The following GOLGA8O variants were observed in gnomAD, a reference collection of about 807,000 sequenced individuals.
GOLGA8O encodes the protein golgin subfamily A member 8O.
A neutral mutation model predicts 29.7 loss-of-function variants in GOLGA8O; 4 were observed. The observed-to-expected ratio is 0.13, with a 90% confidence interval of 0.07 to 0.31. The LOEUF (loss-of-function observed/expected upper bound fraction) is 0.31, where lower values mean the gene tolerates loss of function less well. Among genes scored for constraint, GOLGA8O ranks in the 10% least tolerant of loss-of-function variants. The pLI is 1.00. For missense variants in GOLGA8O, 32 were observed against 216.5 expected, an observed-to-expected ratio of 0.15 and a Z score of 5.35; for synonymous variants, 6 against 78.0, an observed-to-expected ratio of 0.08 and a Z score of 4.87.
At chr15:32,451,069 A>C (rs1434859925) in intron 7 of GOLGA8O, 47 bp from the exon 8 acceptor site, 1 of 1,185,842 alleles carries the variant, frequency 8.4e-7, no homozygotes, top group African/African-American at 2.4e-5. Context: ...CCTCCTGAAG[A>C]CCTGTCAAAG....
At chr15:32,451,489 G>A (rs1365167044) in intron 5 of GOLGA8O, 112 bp downstream of exon 5, 40 of 1,573,274 alleles carry the variant, frequency 2.5e-5, no homozygotes, top group East Asian at 2.2e-4. Flanking sequence ...TGGAATCTGA[G>A]GGGTGAGCCT....
chr15:32,449,884 CA>C (rs1427469625), intron 8 of GOLGA8O, 26 bp from the exon 9 acceptor site: 1 of 183,016 alleles, frequency 5.5e-6, no homozygotes, highest in Non-Finnish European at 9.3e-6. Flanking sequence ...TGAGAAGTTT[CA>C]ATCTGGAGAG....
the GOLGA8O span, among the ~76,000 whole-genome samples, chr15:32,460,690 C>T: frequency 3.7e-4 from 36 of 97,660 alleles, 1 homozygote; most frequent in South Asian, 2.1e-3. Context: ...AATACACACG[C>T]GCACACACAC....
chr15:32,459,504 G>C (rs1299742098), upstream of GOLGA8O, among the ~76,000 whole-genome samples: 66 of 98,566 alleles, frequency 6.7e-4, no homozygotes, highest in South Asian at 0.025. Context: ...ATATGAATAA[G>C]AAATAATCAG....
upstream of GOLGA8O, among the ~76,000 whole-genome samples, chr15:32,456,780 CA>C (rs775848062): frequency 0.033 from 184 of 5,634 alleles, no homozygotes; most frequent in Non-Finnish European, 0.049. Context: ...GCAAAACAAA[CA>C]AAAAGGGGGA....
chr15:32,459,059 G>A (rs372453601), upstream of GOLGA8O, among the ~76,000 whole-genome samples: 1 of 80,664 alleles, frequency 1.2e-5, no homozygotes, highest in Admixed American at 1.1e-4. Context: ...TTGGGAGGCC[G>A]AGGTGGGTGG....
chr15:32,459,070 A>C (rs1213807393), upstream of GOLGA8O, among the ~76,000 whole-genome samples: 11 of 80,906 alleles, frequency 1.4e-4, no homozygotes, highest in Admixed American at 1.2e-3. Context: ...AGGTGGGTGG[A>C]TCACCTGAGG....
upstream of GOLGA8O, among the ~76,000 whole-genome samples, chr15:32,458,882 A>G (rs2055208939): frequency 2.1e-5 from 2 of 94,608 alleles, no homozygotes; most frequent in Admixed American, 1.9e-4. Context: ...CCTGGGCTCA[A>G]GTGATCCTCC....
intron 8 of GOLGA8O, among the ~76,000 whole-genome samples, chr15:32,450,550 C>CACAT (rs1481837738): frequency 7.2e-6 from 1 of 139,048 alleles, no homozygotes. Flanking sequence ...CACACACACA[C>CACAT]ATGCACGCGT....
intron 8 of GOLGA8O, among the ~76,000 whole-genome samples, chr15:32,450,549 A>ACACG (rs2055109208): frequency 7.0e-6 from 1 of 142,244 alleles, no homozygotes; most frequent in Admixed American, 7.0e-5. Context: ...ACACACACAC[A>ACACG]CATGCACGCG....
At chr15:32,460,645 T>C in the GOLGA8O span, among the ~76,000 whole-genome samples, 2 of 93,784 alleles carry the variant, frequency 2.1e-5, no homozygotes, top group Non-Finnish European at 4.5e-5. Context: ...CTGTTCTAAA[T>C]GGTTTACATG....
intron 8 of GOLGA8O, among the ~76,000 whole-genome samples, chr15:32,450,504 A>G (rs1382730340): frequency 7.6e-6 from 1 of 132,346 alleles, no homozygotes; most frequent in African/African-American, 2.8e-5. Context: ...TTTTATGTAT[A>G]TTATCACAGT....
upstream of GOLGA8O, among the ~76,000 whole-genome samples, chr15:32,459,213 A>C (rs2055211974): frequency 1.4e-5 from 1 of 73,656 alleles, no homozygotes; most frequent in Admixed American, 1.3e-4. Flanking sequence ...GAACTGCTTG[A>C]ACCTTGGAGG....
upstream of GOLGA8O, among the ~76,000 whole-genome samples, chr15:32,458,692 T>G (rs1229008026): frequency 9.0e-6 from 1 of 111,470 alleles, no homozygotes; most frequent in Non-Finnish European, 1.9e-5. Context: ...CAGGTTGGAA[T>G]GCAGGAATGC....
intron 7 of GOLGA8O, 31 bp from the exon 8 acceptor site, chr15:32,451,053 A>G (rs1288417101): frequency 8.4e-7 from 1 of 1,192,870 alleles, no homozygotes; most frequent in East Asian, 2.7e-5. Flanking sequence ...TGGGGCCCAA[A>G]GGACTCCTCC....
chr15:32,445,438 TG>T lies in GOLGA8O; in HGVS notation c.1651del (p.His551ThrfsTer29). 3.8e-6 allele frequency: 1 copy of T among 261,224 alleles called. No homozygotes were observed. Among genetic ancestry groups the T allele is most frequent in the Admixed American group, 6.2e-5 (1 of 16,232 alleles). 16.2% of individuals were successfully genotyped at this position (261,224 alleles called of 1,614,324 possible). ...NGHRKFLAAA[H>X]NSADEPGPGA... ...TGGACCGGGCTCATCAGCAGAGTTG[TG>T]GGCAGCGGCCAGGAATTTTCTGTGC... On this transcript the variant is annotated frameshift_variant, in exon 18 of 19. Transcript: ENST00000509311. LOFTEE classifies it high-confidence loss of function.
intron 5 of GOLGA8O, 97 bp downstream of exon 5, chr15:32,451,504 C>T (rs1157461757): frequency 2.5e-6 from 4 of 1,593,898 alleles, no homozygotes; most frequent in East Asian, 2.2e-5. Flanking sequence ...GAGCCTTCTT[C>T]CCCAAGCTGG....
At chr15:32,450,649 C>T (rs1378776555) in intron 8 of GOLGA8O, among the ~76,000 whole-genome samples, 373 of 143,064 alleles carry the variant, frequency 2.6e-3, no homozygotes, top group African/African-American at 7.7e-3. Context: ...TAGGACTTGC[C>T]CAAGACCACA....
intron 8 of GOLGA8O, among the ~76,000 whole-genome samples, chr15:32,450,479 A>G (rs1566990759): frequency 1.4e-5 from 2 of 143,650 alleles, no homozygotes; most frequent in African/African-American, 5.1e-5. Context: ...TTTTTTATGA[A>G]CCCTTGCAGA....
Sources: gnomAD v4.1 joint callset for allele counts (sites outside exome capture counted in the v4.1 genomes callset) on GRCh38, gnomAD v4.1.1 for gene constraint, MANE v1.5 for transcripts, NCBI Gene and HGNC (gene_info 2026-07-23, HGNC 2026-07-21) for gene names.